Variants in USP49 observed in about 807,000 individuals in gnomAD.
USP49 encodes the protein ubiquitin specific peptidase 49.
USP49 carries 24 observed loss-of-function variants against 58.6 expected under a neutral mutation model. The ratio of observed to expected loss-of-function variants is 0.41; its 90% CI spans 0.30 to 0.58. The LOEUF is 0.58. Ranked by LOEUF, USP49 falls within the 20% of genes least tolerant of loss-of-function variation. The pLI, the probability that USP49 is intolerant of heterozygous loss-of-function variation, is 0.30. For missense variants in USP49, 703 were observed against 866.1 expected (o/e 0.81, Z 2.36); for synonymous variants, 408 against 365.1 (o/e 1.12, Z -1.34).
At chr6:41,865,797 C>A (rs1224460466) in intron 3 of USP49, among the ~76,000 whole-genome samples, 1 of 129,796 alleles carries the variant, frequency 7.7e-6, no homozygotes, top group Non-Finnish European at 1.6e-5. Flanking sequence ...TGCCACCATG[C>A]CTGGCCTTTT....
chr6:41,827,698 T>G (rs935812692), intron 3 of USP49, among the ~76,000 whole-genome samples: 1 of 121,456 alleles, frequency 8.2e-6, no homozygotes, highest in African/African-American at 3.3e-5. Flanking sequence ...AAAAAAAAAA[T>G]TTGCCTGGGT....
chr6:41,838,496 G>A (rs1280456115), intron 3 of USP49, among the ~76,000 whole-genome samples: 1 of 152,158 alleles, frequency 6.6e-6, no homozygotes. Context: ...AGCTCCACTG[G>A]GTAGCTAGAC....
intron 3 of USP49, among the ~76,000 whole-genome samples, chr6:41,870,778 C>T (rs1170989065): frequency 2.7e-5 from 4 of 149,364 alleles, no homozygotes; most frequent in African/African-American, 9.9e-5. Flanking sequence ...CAGTGGCTCA[C>T]GCCTGTAATC....
At chr6:41,819,238 T>G (rs9357366) in intron 3 of USP49, among the ~76,000 whole-genome samples, 30,158 of 151,872 alleles carry the variant, frequency 0.2, 3,414 homozygotes, top group East Asian at 0.29. Flanking sequence ...AGTCTTTTGT[T>G]TTATTTTGTT....
chr6:41,823,875 T>C (rs1773492911), intron 3 of USP49, among the ~76,000 whole-genome samples: 1 of 152,026 alleles, frequency 6.6e-6, no homozygotes, highest in Non-Finnish European at 1.5e-5. Context: ...TGTGAGTGTG[T>C]GTGCGGGGTG....
At chr6:41,895,134 T>C (rs1395376750) in intron 1 of USP49, among the ~76,000 whole-genome samples, 190 bp downstream of exon 1, 1 of 138,466 alleles carries the variant, frequency 7.2e-6, no homozygotes, top group Non-Finnish European at 1.5e-5. Flanking sequence ...CCTCACCCGG[T>C]GTGTGAGGAT....
Position 41,794,299 on chromosome 6 carries a change from T to C in USP49, c.*2234A>G, listed in dbSNP as rs1010280140. 1 of 152,236 alleles carries C rather than the reference T, an allele frequency of 6.6e-6. No individual in the cohort carries two copies. Among genetic ancestry groups the C allele is most frequent in the Non-Finnish European group, 1.5e-5 (1 of 68,036 alleles). 9.4% of individuals were successfully genotyped at this position (152,236 alleles called of 1,614,324 possible). A position where few individuals can be genotyped will look rare whatever the true frequency, so the allele number is the denominator to read the frequency against. On this transcript the variant is annotated 3_prime_UTR_variant, in exon 8 of 8. Transcript: ENST00000682992. ...AGCACTTATTTCACAAAGTCCTTAATCTGCTTAATAAATCCTTATAATATT... is the reference window on the plus strand; with the variant it reads ...AGCACTTATTTCACAAAGTCCTTAACCTGCTTAATAAATCCTTATAATATT...
chr6:41,831,293 G>A (rs769249536), intron 3 of USP49, among the ~76,000 whole-genome samples: 44 of 151,888 alleles, frequency 2.9e-4, no homozygotes, highest in Middle Eastern at 3.4e-3. Context: ...AGGAGGCTGA[G>A]GCAGGAGAAT....
chr6:41,833,181 GA>G (rs1387706895), intron 3 of USP49, among the ~76,000 whole-genome samples: 2 of 150,462 alleles, frequency 1.3e-5, no homozygotes, highest in Non-Finnish European at 3.0e-5. Context: ...CATGCCCGGC[GA>G]ATTTTTTGTA....
At chr6:41,849,125 T>G (rs1773975165) in intron 3 of USP49, among the ~76,000 whole-genome samples, 1 of 152,162 alleles carries the variant, frequency 6.6e-6, no homozygotes, top group Non-Finnish European at 1.5e-5. Context: ...GAAAAAGATA[T>G]TCCATGCAAA....
chr6:41,796,245 C>T lies in USP49; in HGVS notation c.*288G>A. On this transcript the variant is annotated 3_prime_UTR_variant, in exon 8 of 8. Transcript: ENST00000682992. ...GTGTGGATATGATTGATTTACCCCC[C>T]CGCCCCGCTTTCCTCCACCCAGATC... 1 of 307,644 alleles carries T rather than the reference C, an allele frequency of 3.3e-6. No individual in the cohort carries two copies. Among genetic ancestry groups the T allele is most frequent in the East Asian group, 5.9e-5 (1 of 17,036 alleles). 19.1% of individuals were successfully genotyped at this position (307,644 alleles called of 1,614,324 possible).
At chr6:41,808,010 T>C (rs60401468) in intron 3 of USP49, among the ~76,000 whole-genome samples, 21,265 of 151,688 alleles carry the variant, frequency 0.14, 1,559 homozygotes, top group East Asian at 0.25. Flanking sequence ...ACTACTGACC[T>C]AAATGATCTG....
intron 3 of USP49, among the ~76,000 whole-genome samples, chr6:41,832,102 C>G (rs1773645053): frequency 6.6e-6 from 1 of 152,004 alleles, no homozygotes; most frequent in Non-Finnish European, 1.5e-5. Flanking sequence ...CTCCTTAAGG[C>G]AAAGTCTGTA....
chr6:41,813,325 A>T (rs968673204), intron 3 of USP49, among the ~76,000 whole-genome samples: 6 of 152,206 alleles, frequency 3.9e-5, no homozygotes, highest in Non-Finnish European at 7.3e-5. Context: ...CAGGAATTTA[A>T]TTGCTACCAA....
At chr6:41,875,682 T>C (rs1158937607) in intron 2 of USP49, among the ~76,000 whole-genome samples, 1 of 152,196 alleles carries the variant, frequency 6.6e-6, no homozygotes, top group East Asian at 1.9e-4. Context: ...TGGACTTAAG[T>C]GTTTTCCTTG....
intron 3 of USP49, among the ~76,000 whole-genome samples, chr6:41,867,941 C>G (rs1561922937): frequency 6.6e-6 from 1 of 152,166 alleles, no homozygotes. Context: ...ACTTAAGATA[C>G]ATGATTTCAA....
chr6:41,807,077 T>TAAAAAAA (rs11393933), intron 3 of USP49, 66 bp from the exon 4 acceptor site: 3 of 1,041,080 alleles, frequency 2.9e-6, no homozygotes, highest in African/African-American at 1.7e-5. Context: ...ATATTTTCCT[T>TAAAAAAA]AAAAAAAAAA....
At position 41,792,465 on chromosome 6, in the gene USP49, A is replaced by AC. The variant is rs747470053; in HGVS notation, c.*4067dup. ...GCTCTCCCAACCACCTGGGAAAGCA[A>AC]CCCTTCCACTCACAAGAGGTAACCT... On this transcript the variant is annotated 3_prime_UTR_variant, in exon 8 of 8. Transcript: ENST00000682992. The AC allele has an allele frequency of 2.6e-5, 4 of 152,202 alleles. No homozygotes were observed. Among genetic ancestry groups the AC allele is most frequent in the Non-Finnish European group, 5.9e-5 (4 of 68,046 alleles). 9.4% of individuals were successfully genotyped at this position (152,202 alleles called of 1,614,324 possible).
At chr6:41,877,565 ATTT>A (rs34374721) in intron 2 of USP49, among the ~76,000 whole-genome samples, 35 of 138,426 alleles carry the variant, frequency 2.5e-4, no homozygotes, top group Admixed American at 1.2e-3. Context: ...ATGGGATCCC[ATTT>A]TTTTTTTTTT....
Sources: gnomAD v4.1 joint callset for allele counts (sites outside exome capture counted in the v4.1 genomes callset) on GRCh38, gnomAD v4.1.1 for gene constraint, MANE v1.5 for transcripts, NCBI Gene and HGNC (gene_info 2026-07-23, HGNC 2026-07-21) for gene names.